Variants in NALCN observed in about 807,000 individuals in gnomAD.
The protein encoded by NALCN is sodium leak channel, non-selective.
A neutral mutation model predicts 225.3 loss-of-function variants in NALCN; 111 were observed. The ratio of observed to expected loss-of-function variants is 0.49; its 90% CI spans 0.42 to 0.58. NALCN has a LOEUF of 0.58. NALCN is among the 20% of genes least tolerant of loss of function. NALCN has a pLI of 0.00. For missense variants in NALCN, 1,378 were observed against 2,202.4 expected (o/e 0.63, Z 7.49); for synonymous variants, 764 against 769.0 (o/e 0.99, Z 0.11).
At chr13:101,112,894 A>T (rs1330480166) in intron 18 of NALCN, among the ~76,000 whole-genome samples, 1 of 152,102 alleles carries the variant, frequency 6.6e-6, no homozygotes, top group East Asian at 1.9e-4. Flanking sequence ...TTTAAATATA[A>T]CACATATATT....
intron 42 of NALCN, chr13:101,058,424 G>GATGC: frequency 1.7e-4 from 27 of 163,264 alleles, no homozygotes; most frequent in South Asian, 6.0e-4. Flanking sequence ...GGCTGGGCGG[G>GATGC]GGCAGTCTAC....
intron 13 of NALCN, among the ~76,000 whole-genome samples, chr13:101,207,990 C>T (rs917582039): frequency 6.6e-6 from 1 of 150,876 alleles, no homozygotes; most frequent in Non-Finnish European, 1.5e-5. Context: ...TCCAGAGGCG[C>T]TGCCTTTATG....
intron 6 of NALCN, among the ~76,000 whole-genome samples, chr13:101,374,568 T>G (rs956389570): frequency 6.6e-6 from 1 of 152,142 alleles, no homozygotes; most frequent in Non-Finnish European, 1.5e-5. Context: ...ATTACAGGTG[T>G]GAGCCACTGT....
chr13:101,161,125 G>A (rs1240475282), intron 15 of NALCN, among the ~76,000 whole-genome samples: 1 of 152,152 alleles, frequency 6.6e-6, no homozygotes, highest in African/African-American at 2.4e-5. Flanking sequence ...GCTCAAAGGA[G>A]GCAGTCATTT....
At chr13:101,293,938 G>A (rs1389494333) in intron 7 of NALCN, among the ~76,000 whole-genome samples, 1 of 152,158 alleles carries the variant, frequency 6.6e-6, no homozygotes, top group African/African-American at 2.4e-5. Flanking sequence ...TATTTGTAAA[G>A]CATGTTGAGT....
rs923223373 is a variant in NALCN at position 101,279,673 on chromosome 13, C to T, written c.1134+4260G>A. On this transcript the variant is annotated intron_variant, in intron 10 of 43. Coordinates refer to ENST00000251127, the MANE Select transcript of NALCN (RefSeq NM_052867.4). ...CTACTAAAAATACAAAAAAATTAGC[C>T]GGGCGTAGTGGCGGGCGCCTGTAGT... Among the ~76,000 whole-genome samples the T allele has an allele frequency of 1.1e-3, 162 of 148,884 alleles. 1 individual carries two copies. Among genetic ancestry groups the T allele is most frequent in the Non-Finnish European group, 1.6e-4 (11 of 66,794 alleles).
At chr13:101,165,682 C>A (rs749366521) in intron 15 of NALCN, among the ~76,000 whole-genome samples, 1 of 152,176 alleles carries the variant, frequency 6.6e-6, no homozygotes, top group Non-Finnish European at 1.5e-5. Context: ...TGCCACGTTG[C>A]GCAGGCTGAT....
chr13:101,345,244 G>T lies in NALCN; in HGVS notation c.799+22C>A, dbSNP rs376681032. 9 of 1,601,296 alleles carry T rather than the reference G, an allele frequency of 5.6e-6. No individual in the cohort carries two copies. The East Asian group carries it at 2.0e-4, about 36-fold the overall frequency. Reference sequence around the variant, plus strand: ...ACATCACAAAATAGAAACTTAAAACGTATTTTACCAGTAAGACAGACCTAT... The same window carrying T: ...ACATCACAAAATAGAAACTTAAAACTTATTTTACCAGTAAGACAGACCTAT... On this transcript the variant is annotated intron_variant, in intron 7 of 43. Transcript: ENST00000251127.
intron 30 of NALCN, among the ~76,000 whole-genome samples, chr13:101,085,828 G>C (rs117831934): frequency 1.4e-3 from 220 of 152,162 alleles, no homozygotes; most frequent in Non-Finnish European, 2.9e-3. Context: ...TCATTTTTGA[G>C]TATGCAGTGA....
chr13:101,386,900 C>G (rs9554779), intron 3 of NALCN, among the ~76,000 whole-genome samples: 105,007 of 152,038 alleles, frequency 0.69, 37,944 homozygotes, highest in African/African-American at 0.91. Context: ...GACTAACATA[C>G]TTTTATGCAT....
chr13:101,355,784 A>G (rs2046039357), intron 6 of NALCN, among the ~76,000 whole-genome samples: 2 of 152,180 alleles, frequency 1.3e-5, no homozygotes, highest in African/African-American at 2.4e-5. Flanking sequence ...TCTAAAATCA[A>G]CCACATAATT....
intron 17 of NALCN, among the ~76,000 whole-genome samples, chr13:101,137,671 G>A (rs1046026660): frequency 7.2e-5 from 11 of 152,104 alleles, no homozygotes; most frequent in African/African-American, 2.4e-4. Flanking sequence ...GTACCATAAG[G>A]AAATTGATCA....
At chr13:101,341,230 C>A (rs2045549403) in intron 7 of NALCN, among the ~76,000 whole-genome samples, 1 of 152,150 alleles carries the variant, frequency 6.6e-6, no homozygotes. Context: ...TCTTGATTGA[C>A]TGAATGTTTT....
chr13:101,389,335 C>T (rs544565056), intron 3 of NALCN, among the ~76,000 whole-genome samples: 19 of 152,160 alleles, frequency 1.2e-4, no homozygotes, highest in Non-Finnish European at 2.1e-4. Context: ...AACTGGTAGG[C>T]TGCAAGTTGC....
chr13:101,193,104 T>G (rs995387558), intron 13 of NALCN, among the ~76,000 whole-genome samples: 35 of 65,996 alleles, frequency 5.3e-4, no homozygotes, highest in Admixed American at 5.1e-3. Context: ...GATTCCTTCT[T>G]TTTTTTTTTT....
chr13:101,220,704 C>A (rs1241040183), intron 13 of NALCN, among the ~76,000 whole-genome samples: 1 of 152,098 alleles, frequency 6.6e-6, no homozygotes, highest in Non-Finnish European at 1.5e-5. Flanking sequence ...AATTGGAGAT[C>A]TGAAAATGTA....
At chr13:101,375,471 G>A (rs1417616830) in intron 6 of NALCN, among the ~76,000 whole-genome samples, 1 of 152,180 alleles carries the variant, frequency 6.6e-6, no homozygotes, top group East Asian at 1.9e-4. Context: ...CAAGTATATA[G>A]ACTTTATGAA....
At chr13:101,387,227 C>CAAAAAAAA (rs747159185) in intron 3 of NALCN, among the ~76,000 whole-genome samples, 1 of 29,048 alleles carries the variant, frequency 3.4e-5, no homozygotes, top group African/African-American at 1.3e-4. Context: ...GACTCCGTCT[C>CAAAAAAAA]AAAAAAAAAA....
intron 13 of NALCN, among the ~76,000 whole-genome samples, chr13:101,209,714 C>T (rs186796726): frequency 1.3e-3 from 205 of 152,206 alleles, no homozygotes; most frequent in Non-Finnish European, 2.7e-3. Flanking sequence ...GAGAGTGTTG[C>T]CTTTCCTTTC....
Sources: allele counts gnomAD v4.1 joint callset (sites outside exome capture counted in the v4.1 genomes callset), GRCh38; gene constraint gnomAD v4.1.1; transcripts MANE v1.5; gene names NCBI Gene and HGNC (gene_info 2026-07-23, HGNC 2026-07-21).